The following SH3PXD2A variants were observed in gnomAD, a reference collection of about 807,000 sequenced individuals.
SH3PXD2A encodes SH3 and PX domains 2A.
SH3PXD2A carries 32 observed loss-of-function variants against 115.2 expected under a neutral mutation model. That is an observed-to-expected ratio of 0.28 (90% CI 0.21 to 0.37). SH3PXD2A has a LOEUF of 0.37. Among genes scored for constraint, SH3PXD2A ranks in the 10% least tolerant of loss-of-function variants. The probability of loss-of-function intolerance (pLI) is 1.00; values close to 1 mark genes in which losing one functional copy is unlikely to be tolerated. For synonymous variants in SH3PXD2A, 610 were observed against 629.1 expected, an observed-to-expected ratio of 0.97 and a Z score of 0.45; for missense variants, 1,328 against 1,498.7, an observed-to-expected ratio of 0.89 and a Z score of 1.88.
Position 103,596,628 on chromosome 10 carries a change from T to TACACACACAC in SH3PXD2A, c.*5187_*5188insGTGTGTGTGT, listed in dbSNP as rs2036135875. The TACACACACAC allele has an allele frequency of 5.8e-5, 5 of 85,502 alleles. No homozygotes were observed. The highest frequency in any genetic ancestry group is 2.4e-4 in the African/African-American group (5 of 20,542). 5.3% of individuals were successfully genotyped at this position (85,502 alleles called of 1,614,324 possible). On this transcript the variant is annotated 3_prime_UTR_variant, in exon 15 of 15. Coordinates refer to ENST00000369774, the MANE Select transcript of SH3PXD2A (RefSeq NM_001394015.1). The stretch of plus-strand genomic sequence containing the variant: ...AAGTGGGAAGTTACCAACACTTGCA[T>TACACACACAC]ACACAGACACACACACACACACACA...
chr10:103,846,095 A>G (rs180984827), intron 1 of SH3PXD2A, among the ~76,000 whole-genome samples: 14 of 152,358 alleles, frequency 9.2e-5, no homozygotes, highest in Non-Finnish European at 2.1e-4. Flanking sequence ...TGCATAATTT[A>G]TGCTGCATTG....
chr10:103,806,614 G>A (rs1262251451), intron 1 of SH3PXD2A, among the ~76,000 whole-genome samples: 6 of 152,180 alleles, frequency 3.9e-5, no homozygotes, highest in Admixed American at 1.3e-4. Context: ...AACATTACCC[G>A]GCAGCTGGGT....
intron 5 of SH3PXD2A, among the ~76,000 whole-genome samples, chr10:103,693,867 A>T (rs1489296411): frequency 6.6e-6 from 1 of 152,150 alleles, no homozygotes; most frequent in Non-Finnish European, 1.5e-5. Flanking sequence ...AGTGGGTTCA[A>T]ATGCTGTCAG....
chr10:103,608,351 C>T (rs1410135889), intron 13 of SH3PXD2A, among the ~76,000 whole-genome samples: 19 of 145,632 alleles, frequency 1.3e-4, no homozygotes, highest in African/African-American at 2.5e-4. Context: ...GGAGACAACA[C>T]GTTTCTGCTG....
chr10:103,633,508 T>G (rs2036815844), intron 8 of SH3PXD2A, among the ~76,000 whole-genome samples: 2 of 151,430 alleles, frequency 1.3e-5, no homozygotes, highest in Non-Finnish European at 2.9e-5. Flanking sequence ...GGCAGATCAC[T>G]TGAGGTCAGG....
chr10:103,822,594 G>A (rs769897693), intron 1 of SH3PXD2A, among the ~76,000 whole-genome samples: 8 of 152,276 alleles, frequency 5.3e-5, no homozygotes, highest in Admixed American at 2.0e-4. Context: ...ACCCCAGGAA[G>A]CCTGGAGCAA....
intron 6 of SH3PXD2A, 96 bp from the exon 7 acceptor site, chr10:103,668,748 C>T (rs1245859285): frequency 1.4e-5 from 16 of 1,151,108 alleles, no homozygotes; most frequent in Middle Eastern, 1.9e-4. Flanking sequence ...TGGCTGCAGG[C>T]GCCGCGCTCG....
At chr10:103,704,410 A>ACTGGTGG (rs1207545421) in intron 5 of SH3PXD2A, among the ~76,000 whole-genome samples, 1 of 152,168 alleles carries the variant, frequency 6.6e-6, no homozygotes. Context: ...CTGAGACCAC[A>ACTGGTGG]CTGGTGGCTG....
chr10:103,684,576 C>A (rs1251894136), intron 6 of SH3PXD2A, among the ~76,000 whole-genome samples: 1 of 151,972 alleles, frequency 6.6e-6, no homozygotes, highest in Non-Finnish European at 1.5e-5. Flanking sequence ...GTCTTGAACT[C>A]CTGATCTCAG....
rs1032901141 is a variant in SH3PXD2A at position 103,709,117 on chromosome 10, C to T, written c.398+15153G>A. 3.9e-5 allele frequency among the ~76,000 whole-genome samples: 6 copies of T among 152,096 alleles called. No homozygotes were observed. In the South Asian group the frequency reaches 1.2e-3, roughly 32 times the overall value. On this transcript the variant is annotated intron_variant, in intron 5 of 14. Coordinates refer to ENST00000369774, the MANE Select transcript of SH3PXD2A (RefSeq NM_001394015.1). ...CTCTGAGCCATTCAGAGGAGCCAGTCCCTTCTCCCTGTCCATCAGCCAGGC... is the reference window on the plus strand; with the variant it reads ...CTCTGAGCCATTCAGAGGAGCCAGTTCCTTCTCCCTGTCCATCAGCCAGGC...
chr10:103,710,492 C>T (rs1311133577), intron 5 of SH3PXD2A, among the ~76,000 whole-genome samples: 1 of 152,208 alleles, frequency 6.6e-6, no homozygotes, highest in African/African-American at 2.4e-5. Flanking sequence ...TATGCTGCCA[C>T]TTCTATGGTC....
chr10:103,669,967 A>T (rs2037435963), intron 6 of SH3PXD2A, among the ~76,000 whole-genome samples: 1 of 152,230 alleles, frequency 6.6e-6, no homozygotes. Flanking sequence ...CATTTTGCAG[A>T]TGAAGAAGCT....
chr10:103,804,435 C>T (rs2039178980), intron 1 of SH3PXD2A, among the ~76,000 whole-genome samples: 1 of 150,638 alleles, frequency 6.6e-6, no homozygotes, highest in Non-Finnish European at 1.5e-5. Flanking sequence ...CATTCTCCTG[C>T]CTCAGCCTCC....
At chr10:103,833,229 G>GA (rs955514550) in intron 1 of SH3PXD2A, among the ~76,000 whole-genome samples, 2 of 152,092 alleles carry the variant, frequency 1.3e-5, no homozygotes, top group Non-Finnish European at 2.9e-5. Context: ...CCATAAGTGG[G>GA]AAAAAATGCA....
Position 103,599,138 on chromosome 10 carries a change from G to A in SH3PXD2A, c.*2678C>T, listed in dbSNP as rs1250641687. 6.6e-6 allele frequency: 1 copy of A among 152,462 alleles called. No homozygotes were observed. Among genetic ancestry groups the A allele is most frequent in the Non-Finnish European group, 1.5e-5 (1 of 68,022 alleles). The allele number at this position is 152,462 out of a possible 1,614,324, so 9.4% of individuals were successfully genotyped here. ...GTCATTAACTAGCTGTGGGATTTTG[G>A]AAAAGTTGTTTCCTGTCCTTGGGCC... On this transcript the variant is annotated 3_prime_UTR_variant, in exon 15 of 15. Transcript: ENST00000369774.
At chr10:103,840,223 G>T (rs1305933750) in intron 1 of SH3PXD2A, among the ~76,000 whole-genome samples, 1 of 152,214 alleles carries the variant, frequency 6.6e-6, no homozygotes, top group Non-Finnish European at 1.5e-5. Context: ...CAACAGCCTG[G>T]CCACCTGTTG....
intron 8 of SH3PXD2A, among the ~76,000 whole-genome samples, chr10:103,648,966 A>T (rs985699266): frequency 1.3e-5 from 2 of 152,206 alleles, no homozygotes; most frequent in African/African-American, 4.8e-5. Flanking sequence ...CCCATTCCAA[A>T]GGTGTTCAGG....
intron 2 of SH3PXD2A, among the ~76,000 whole-genome samples, chr10:103,776,395 CAAAA>C (rs11384789): frequency 2.3e-5 from 2 of 88,316 alleles, no homozygotes; most frequent in East Asian, 2.9e-4. Flanking sequence ...ACCACTGTCT[CAAAA>C]AAAAAAAAAA....
At chr10:103,850,965 G>A (rs4918062) in intron 1 of SH3PXD2A, among the ~76,000 whole-genome samples, 151,734 of 152,156 alleles carry the variant, frequency 1, 75,664 homozygotes, top group Middle Eastern at 1. Flanking sequence ...CAGGTGAGGA[G>A]ACTGAGGCTC....
Sources: gnomAD v4.1 joint callset for allele counts (sites outside exome capture counted in the v4.1 genomes callset) on GRCh38, gnomAD v4.1.1 for gene constraint, MANE v1.5 for transcripts, NCBI Gene and HGNC (gene_info 2026-07-23, HGNC 2026-07-21) for gene names.